Variants in PRDM16 observed in about 807,000 individuals in gnomAD.
The protein encoded by PRDM16 is PR/SET domain 16.
PRDM16 carries 23 observed loss-of-function variants against 110.6 expected under a neutral mutation model. The ratio of observed to expected loss-of-function variants is 0.21; its 90% CI spans 0.15 to 0.29. The LOEUF (loss-of-function observed/expected upper bound fraction) is 0.29. Among genes scored for constraint, PRDM16 ranks in the 10% least tolerant of loss-of-function variants. The probability of loss-of-function intolerance (pLI) is 1.00; values close to 1 mark genes in which losing one functional copy is unlikely to be tolerated. For missense variants in PRDM16, 1,615 were observed against 1,794.3 expected (o/e 0.90, Z 1.81); for synonymous variants, 799 against 781.8 (o/e 1.02, Z -0.37).
chr1:3,330,256 G>T (rs1642015820), intron 3 of PRDM16, among the ~76,000 whole-genome samples: 1 of 152,244 alleles, frequency 6.6e-6, no homozygotes, highest in Non-Finnish European at 1.5e-5. Flanking sequence ...GAGCTCAGCA[G>T]GGAGGCCCTG....
In PRDM16 at chr1:3,183,535, C is replaced by T. The variant is rs144828934; in HGVS notation, c.38-2590C>T. ...CAGCAACAGGGACAGCAAAATGAGA[C>T]GGGTTTTTCCTGGAGGCTGTGGGCA... On this transcript the variant is annotated intron_variant, in intron 1 of 16. Transcript: ENST00000270722. 2.6e-3 allele frequency among the ~76,000 whole-genome samples: 397 copies of T among 152,328 alleles called. 2 individuals carry two copies. The highest frequency in any genetic ancestry group is 8.9e-3 in the African/African-American group (372 of 41,574).
rs145058497 is a variant in PRDM16, at chr1:3,177,373, C to T, written c.38-8752C>T. On this transcript the variant is annotated intron_variant, in intron 1 of 16. Coordinates refer to ENST00000270722, the MANE Select transcript of PRDM16 (RefSeq NM_022114.4). ...GTGTTTTGTCATTGTAGGGAGAACA[C>T]GGGGTCGTTAGAGTGGCGTTTGAGA... 1.0e-2 allele frequency among the ~76,000 whole-genome samples: 1,523 copies of T among 152,304 alleles called. 29 individuals carry two copies. The highest frequency in any genetic ancestry group is 0.034 in the African/African-American group (1,423 of 41,572).
intron 2 of PRDM16, among the ~76,000 whole-genome samples, chr1:3,227,114 C>T (rs904183589): frequency 3.3e-5 from 5 of 152,242 alleles, no homozygotes; most frequent in African/African-American, 4.8e-5. Context: ...TCCAGCTCTT[C>T]GGGCGTCTGT....
At chr1:3,161,954 G>A (rs1039055968) in intron 1 of PRDM16, among the ~76,000 whole-genome samples, 2 of 152,124 alleles carry the variant, frequency 1.3e-5, no homozygotes, top group Non-Finnish European at 2.9e-5. Flanking sequence ...GCTCGTGTTC[G>A]GGCAGCGCTC....
intron 2 of PRDM16, among the ~76,000 whole-genome samples, chr1:3,216,729 C>T (rs1168271031): frequency 1.3e-5 from 2 of 152,238 alleles, no homozygotes; most frequent in Non-Finnish European, 2.9e-5. Flanking sequence ...AGAGTCTAGG[C>T]CCATGCCTGA....
At chr1:3,099,444 C>A (rs1043271510) in intron 1 of PRDM16, among the ~76,000 whole-genome samples, 1 of 152,238 alleles carries the variant, frequency 6.6e-6, no homozygotes, top group African/African-American at 2.4e-5. Context: ...ATGCTCAGCA[C>A]GGGGTCCCCA....
chr1:3,417,708 C>G, intron 10 of PRDM16, 120 bp from the exon 11 acceptor site: 1 of 847,684 alleles, frequency 1.2e-6, no homozygotes, highest in Non-Finnish European at 1.9e-6. Context: ...GAGACCATTG[C>G]TTCCAGTGCC....
intron 2 of PRDM16, among the ~76,000 whole-genome samples, chr1:3,216,969 A>C (rs886296926): frequency 6.6e-6 from 1 of 152,248 alleles, no homozygotes; most frequent in Admixed American, 6.5e-5. Context: ...GGATTGCGGC[A>C]GTTCCTCTGT....
chr1:3,214,594 G>T (rs1638977131), intron 2 of PRDM16, among the ~76,000 whole-genome samples: 1 of 152,226 alleles, frequency 6.6e-6, no homozygotes, highest in Non-Finnish European at 1.5e-5. Context: ...CTACTTGGGA[G>T]GCTGAGGCAG....
chr1:3,368,260 C>T (rs1375043732), intron 3 of PRDM16, among the ~76,000 whole-genome samples: 2 of 152,206 alleles, frequency 1.3e-5, no homozygotes, highest in Admixed American at 6.5e-5. Context: ...GGCGGACTTC[C>T]CAGCTCAGGA....
chr1:3,326,850 C>T (rs1371286837), intron 3 of PRDM16, among the ~76,000 whole-genome samples: 1 of 152,182 alleles, frequency 6.6e-6, no homozygotes, highest in Non-Finnish European at 1.5e-5. Flanking sequence ...AGAAGGTGGG[C>T]TCCTGCCCCC....
At chr1:3,250,346 C>T (rs984028509) in intron 3 of PRDM16, among the ~76,000 whole-genome samples, 6 of 152,156 alleles carry the variant, frequency 3.9e-5, no homozygotes, top group South Asian at 2.1e-4. Context: ...AGGGCGGTCC[C>T]GCAGGGGCCC....
intron 3 of PRDM16, among the ~76,000 whole-genome samples, chr1:3,312,688 A>G (rs1434980939): frequency 2.0e-5 from 3 of 152,254 alleles, no homozygotes; most frequent in African/African-American, 7.2e-5. Flanking sequence ...TGACGCTGGA[A>G]TTGAAACTTA....
rs370684082 is a variant in PRDM16, at chr1:3,081,056, G to A, written c.37+11760G>A. Among the ~76,000 whole-genome samples the A allele has an allele frequency of 1.2e-4, 19 of 152,260 alleles. No homozygotes were observed. The East Asian group carries it at 1.9e-3, about 15-fold the overall frequency. ...CTCAGAGAATCGGGGGGCAGATAGC[G>A]TAGCCACGAGGGGCTCTCTGGTTTC... On this transcript the variant is annotated intron_variant, in intron 1 of 16. Coordinates refer to ENST00000270722, the MANE Select transcript of PRDM16 (RefSeq NM_022114.4). This position sits in a 1 kb window ranked among gnomAD's most constrained non-coding sequence, Gnocchi z 4.6.
chr1:3,280,747 C>T (rs955175320), intron 3 of PRDM16, among the ~76,000 whole-genome samples: 6 of 152,182 alleles, frequency 3.9e-5, no homozygotes, highest in Admixed American at 1.3e-4. Flanking sequence ...GAGAAAGACC[C>T]GTTCCTAGGT....
Position 3,243,951 on chromosome 1 carries a change from T to G in PRDM16, c.388-136T>G. On this transcript the variant is annotated intron_variant, in intron 2 of 16. Coordinates refer to ENST00000270722, the MANE Select transcript of PRDM16 (RefSeq NM_022114.4). This position sits in a 1 kb window ranked among gnomAD's most constrained non-coding sequence, Gnocchi z 5.5. ...CCTGTGATCAATGGAACCCTTCATTTCCTGCTGTGGAGAAGCCACTGGGTC... is the reference window on the plus strand; with the variant it reads ...CCTGTGATCAATGGAACCCTTCATTGCCTGCTGTGGAGAAGCCACTGGGTC... The G allele has an allele frequency of 1.3e-6, 1 of 797,858 alleles. No individual in the cohort carries two copies. The highest frequency in any genetic ancestry group is 2.2e-6 in the Non-Finnish European group (1 of 463,580). The allele number at this position is 797,858 out of a possible 1,614,324, so 49.4% of individuals were successfully genotyped here. A position where few individuals can be genotyped will look rare whatever the true frequency, so the allele number is the denominator to read the frequency against.
rs1399032346 is a variant in PRDM16, at chr1:3,245,936, C to G, written c.438+1799C>G. On this transcript the variant is annotated intron_variant, in intron 3 of 16. Transcript: ENST00000270722. The surrounding 1 kb of genome is among the most constrained non-coding windows in gnomAD (Gnocchi z 4.7). The stretch of plus-strand genomic sequence containing the variant: ...GACATTTTCAAGACGCCCTCCTTGG[C>G]TGCGCCTCTCCTGAATGCCTCATGG... Among the ~76,000 whole-genome samples, 2 of 152,206 alleles carry G rather than the reference C, an allele frequency of 1.3e-5. No homozygotes were observed. Among genetic ancestry groups the G allele is most frequent in the African/African-American group, 4.8e-5 (2 of 41,460 alleles).
At chr1:3,135,410 A>G (rs1487641666) in intron 1 of PRDM16, among the ~76,000 whole-genome samples, 1 of 152,190 alleles carries the variant, frequency 6.6e-6, no homozygotes, top group Non-Finnish European at 1.5e-5. Flanking sequence ...AAGAGCCCAC[A>G]TTTCTTATCT....
In PRDM16 at chr1:3,181,912, G is replaced by A. The variant is rs965763916; in HGVS notation, c.38-4213G>A. Among the ~76,000 whole-genome samples, 12 of 105,558 alleles carry A rather than the reference G, an allele frequency of 1.1e-4. 1 individual carries two copies. The highest frequency in any genetic ancestry group is 2.6e-4 in the African/African-American group (8 of 31,240). The allele number at this position is 105,558 out of a possible 152,430, so 69.3% of individuals were successfully genotyped here. ...CAGTCTTACACACGGTCTTACACAC[G>A]CAGTCTTACACATGGTCTTACACAT... is the stretch of plus-strand genomic sequence containing the variant. On this transcript the variant is annotated intron_variant, in intron 1 of 16. Coordinates refer to ENST00000270722, the MANE Select transcript of PRDM16 (RefSeq NM_022114.4).
Sources: allele counts gnomAD v4.1 joint callset (sites outside exome capture counted in the v4.1 genomes callset), GRCh38; gene constraint gnomAD v4.1.1; non-coding constraint Gnocchi (gnomAD v3.1); transcripts MANE v1.5; gene names NCBI Gene and HGNC (gene_info 2026-07-23, HGNC 2026-07-21).